Variants in RBFOX1 observed in about 807,000 individuals in gnomAD.
RBFOX1 encodes the protein RNA binding protein fox-1 homolog 1.
In RBFOX1, 8 loss-of-function variants were observed where a neutral mutation model predicts 57.7. The observed-to-expected ratio is 0.14, with a 90% confidence interval of 0.08 to 0.25. RBFOX1 has a LOEUF of 0.25. Among genes scored for constraint, RBFOX1 ranks in the 10% least tolerant of loss-of-function variants. RBFOX1 has a pLI of 1.00. For missense variants in RBFOX1, 611 were observed against 548.5 expected, an observed-to-expected ratio of 1.11 and a Z score of -1.14; for synonymous variants, 326 against 222.4, an observed-to-expected ratio of 1.47 and a Z score of -4.15.
At chr16:6,821,804 G>A (rs2091354456) in intron 3 of RBFOX1, among the ~76,000 whole-genome samples, 1 of 152,170 alleles carries the variant, frequency 6.6e-6, no homozygotes, top group Non-Finnish European at 1.5e-5. Context: ...CCATTTTCTA[G>A]CTGTTGTGAA....
chr16:7,199,593 T>C (rs2087749143), intron 4 of RBFOX1, among the ~76,000 whole-genome samples: 1 of 152,082 alleles, frequency 6.6e-6, no homozygotes, highest in African/African-American at 2.4e-5. Context: ...AGGGCTGGGA[T>C]GAAATTAGAC....
chr16:6,632,723 A>C, intron 2 of RBFOX1, among the ~76,000 whole-genome samples: 1 of 152,218 alleles, frequency 6.6e-6, no homozygotes, highest in East Asian at 1.9e-4. Context: ...CCAACCTGGA[A>C]TTTATTGATA....
At chr16:7,588,341 C>T (rs1013745403) in intron 7 of RBFOX1, among the ~76,000 whole-genome samples, 1 of 152,160 alleles carries the variant, frequency 6.6e-6, no homozygotes, top group Non-Finnish European at 1.5e-5. Context: ...AGGCTCCAGC[C>T]CTGATCTGTT....
chr16:6,979,603 CTT>C (rs1216973541), intron 3 of RBFOX1, among the ~76,000 whole-genome samples: 1 of 152,142 alleles, frequency 6.6e-6, no homozygotes, highest in Non-Finnish European at 1.5e-5. Context: ...GGGTGTGACT[CTT>C]TCATTCACAG....
chr16:5,746,555 T>G (rs2052989963), intron 3 of RBFOX1, among the ~76,000 whole-genome samples: 1 of 152,250 alleles, frequency 6.6e-6, no homozygotes, highest in Non-Finnish European at 1.5e-5. Flanking sequence ...ACGATATTGG[T>G]TCTTCCTATC....
intron 2 of RBFOX1, among the ~76,000 whole-genome samples, chr16:6,463,980 C>T (rs1355864674): frequency 6.6e-6 from 1 of 152,022 alleles, no homozygotes; most frequent in Non-Finnish European, 1.5e-5. Context: ...ATGCTGTTAC[C>T]AGAAAGAGGG....
At chr16:7,206,377 C>G (rs2089972774) in intron 4 of RBFOX1, among the ~76,000 whole-genome samples, 1 of 151,760 alleles carries the variant, frequency 6.6e-6, no homozygotes, top group South Asian at 2.1e-4. Flanking sequence ...TATAAATACA[C>G]TACATGCATT....
chr16:7,177,195 G>C (rs978005595), intron 4 of RBFOX1, among the ~76,000 whole-genome samples: 7 of 152,176 alleles, frequency 4.6e-5, no homozygotes, highest in Non-Finnish European at 7.3e-5. Context: ...ATGGAGAATA[G>C]CGACAATACA....
chr16:5,742,314 CCCTCCCTT>C (rs1308358155), intron 3 of RBFOX1, among the ~76,000 whole-genome samples: 2 of 144,590 alleles, frequency 1.4e-5, no homozygotes, highest in East Asian at 4.5e-4. Flanking sequence ...CTTCCTCCCT[CCCTCCCTT>C]CCTCCCTTCC....
At chr16:7,339,896 G>A (rs564717653) in intron 4 of RBFOX1, among the ~76,000 whole-genome samples, 15 of 152,356 alleles carry the variant, frequency 9.8e-5, no homozygotes, top group African/African-American at 2.6e-4. Flanking sequence ...CCTCTCCACA[G>A]TGGTTATCTC....
chr16:6,357,161 G>A (rs953338736), intron 2 of RBFOX1, among the ~76,000 whole-genome samples: 2 of 152,158 alleles, frequency 1.3e-5, no homozygotes, highest in East Asian at 3.9e-4. Context: ...GCACTCAGCT[G>A]CTGCTACAGG....
intron 3 of RBFOX1, among the ~76,000 whole-genome samples, chr16:5,650,225 G>A (rs1010708979): frequency 6.6e-6 from 1 of 152,202 alleles, no homozygotes; most frequent in African/African-American, 2.4e-5. Context: ...AGAGGCAGCT[G>A]CTTGGGCCAG....
At chr16:5,647,064 C>A (rs968532972) in intron 3 of RBFOX1, among the ~76,000 whole-genome samples, 2 of 152,150 alleles carry the variant, frequency 1.3e-5, no homozygotes, top group African/African-American at 4.8e-5. Context: ...CCTGTTCTTT[C>A]CTTCTAAGAA....
chr16:7,467,654 T>G (rs1317952317), intron 4 of RBFOX1, among the ~76,000 whole-genome samples: 1 of 152,222 alleles, frequency 6.6e-6, no homozygotes, highest in Non-Finnish European at 1.5e-5. Context: ...TGCTAGGGTG[T>G]CTGAGGATTA....
chr16:5,481,590 C>A (rs766577949), intron 2 of RBFOX1, among the ~76,000 whole-genome samples: 1 of 152,160 alleles, frequency 6.6e-6, no homozygotes, highest in Non-Finnish European at 1.5e-5. Flanking sequence ...TTGATCATGG[C>A]TATTTGTCCT....
At chr16:6,257,593 G>C (rs139391030) in intron 1 of RBFOX1, among the ~76,000 whole-genome samples, 88 of 152,138 alleles carry the variant, frequency 5.8e-4, no homozygotes, top group African/African-American at 1.9e-3. Context: ...CCCTGAAGTA[G>C]ACACCACTGT....
At chr16:5,911,589 G>C (rs1322670594) in intron 4 of RBFOX1, among the ~76,000 whole-genome samples, 1 of 152,216 alleles carries the variant, frequency 6.6e-6, no homozygotes, top group Admixed American at 6.5e-5. Context: ...CTTCTGACGG[G>C]GGGTGCGGAG....
At chr16:5,348,479 G>T (rs115335105) in intron 1 of RBFOX1, among the ~76,000 whole-genome samples, 1 of 152,282 alleles carries the variant, frequency 6.6e-6, no homozygotes, top group African/African-American at 2.4e-5. Context: ...TTACAGATGA[G>T]GAAACAGGCA....
intron 1 of RBFOX1, among the ~76,000 whole-genome samples, chr16:6,117,970 A>G (rs1397785593): frequency 1.3e-5 from 2 of 152,204 alleles, no homozygotes; most frequent in Admixed American, 6.5e-5. Context: ...AGAACACAAG[A>G]TGGACATCTG....
Sources: gnomAD v4.1 joint callset for allele counts (sites outside exome capture counted in the v4.1 genomes callset) on GRCh38, gnomAD v4.1.1 for gene constraint, MANE v1.5 for transcripts, NCBI Gene and HGNC (gene_info 2026-07-23, HGNC 2026-07-21) for gene names.